ISCA1: variants seen among roughly 807,000 people sequenced by gnomAD.
ISCA1 encodes the protein iron-sulfur cluster assembly 1, also known as iron-sulfur cluster assembly 1 homolog, mitochondrial.
Under a neutral mutation model 14.7 loss-of-function variants are expected in ISCA1, and 9 were observed. The ratio of observed to expected loss-of-function variants is 0.61; its 90% CI spans 0.37 to 1.07. The LOEUF is 1.07. Among genes scored for constraint, ISCA1 ranks in the 50% least tolerant of loss-of-function variants. ISCA1 has a pLI of 0.01. For synonymous variants in ISCA1, 38 were observed against 54.3 expected (o/e 0.70, Z 1.32); for missense variants, 102 against 150.1 (o/e 0.68, Z 1.67).
At chr9:86,279,929 T>C (rs1825489066) in intron 1 of ISCA1, among the ~76,000 whole-genome samples, 1 of 152,248 alleles carries the variant, frequency 6.6e-6, no homozygotes, top group African/African-American at 2.4e-5. Flanking sequence ...ACAGCATTGA[T>C]GTGCCTTCTC....
intron 2 of ISCA1, among the ~76,000 whole-genome samples, chr9:86,273,185 T>C (rs1825394291): frequency 6.6e-6 from 1 of 152,244 alleles, no homozygotes; most frequent in South Asian, 2.1e-4. Context: ...TGTAATGTAG[T>C]AGGTTAACAA....
intron 3 of ISCA1, among the ~76,000 whole-genome samples, chr9:86,266,401 G>A (rs1359282774): frequency 6.6e-6 from 1 of 152,084 alleles, no homozygotes; most frequent in Non-Finnish European, 1.5e-5. Context: ...AATCACATTA[G>A]GGGAGAATTT....
intron 1 of ISCA1, among the ~76,000 whole-genome samples, chr9:86,280,747 C>G (rs751326787): frequency 6.6e-6 from 1 of 151,616 alleles, no homozygotes; most frequent in Admixed American, 6.6e-5. Context: ...CCCAGGAGTT[C>G]GAGACCAGCC....
chr9:86,282,129 G>C lies in ISCA1; in HGVS notation c.81+249C>G, dbSNP rs1262129585. 7.6e-6 allele frequency: 4 copies of C among 529,378 alleles called. No individual in the cohort carries two copies. The South Asian group carries it at 1.0e-4, about 14-fold the overall frequency. 32.8% of individuals were successfully genotyped at this position (529,378 alleles called of 1,614,324 possible). A position where few individuals can be genotyped will look rare whatever the true frequency, so the allele number is the denominator to read the frequency against. ...CGGGATCCCCTCCGGCCCGCACGCG[G>C]TTGCCGCGCGGCCTGACGGGAAACG... On this transcript the variant is annotated intron_variant, in intron 1 of 3. Transcript: ENST00000375991.
chr9:86,267,676 T>C, intron 3 of ISCA1: 1 of 759,858 alleles, frequency 1.3e-6, no homozygotes, highest in African/African-American at 1.9e-5. Flanking sequence ...CCACTAAAAA[T>C]ACAAAAATGA....
Position 86,278,386 on chromosome 9 carries a change from C to A in ISCA1, c.81+3992G>T, listed in dbSNP as rs1253457502. On this transcript the variant is annotated intron_variant, in intron 1 of 3. Coordinates refer to ENST00000375991, the MANE Select transcript of ISCA1 (RefSeq NM_030940.4). ...AATATACAAATATATATTTGTAGGC[C>A]AGGTGTGGTGGCTCATGCCTGTAAT... 2.6e-5 allele frequency among the ~76,000 whole-genome samples: 4 copies of A among 151,836 alleles called. No individual in the cohort carries two copies. The East Asian group carries it at 7.7e-4, about 29-fold the overall frequency.
chr9:86,267,173 C>A, intron 3 of ISCA1: 1 of 257,604 alleles, frequency 3.9e-6, no homozygotes, highest in Non-Finnish European at 6.1e-6. Flanking sequence ...TACAGTGAAC[C>A]ATGATTGTGC....
intron 3 of ISCA1, among the ~76,000 whole-genome samples, chr9:86,270,097 C>G (rs1223010930): frequency 6.7e-6 from 1 of 150,278 alleles, no homozygotes; most frequent in Non-Finnish European, 1.5e-5. Flanking sequence ...CAAATGGGAT[C>G]TAATTAAACT....
At position 86,278,602 on chromosome 9, in the gene ISCA1, T is replaced by G. The variant is rs1825470476; in HGVS notation, c.81+3776A>C. Reference sequence around the variant, plus strand: ...AAAGGATTGCTTGAGCCCAGGAGTTTGAAGCTGCAGTAAGCCATGATCATG... The same window carrying G: ...AAAGGATTGCTTGAGCCCAGGAGTTGGAAGCTGCAGTAAGCCATGATCATG... On this transcript the variant is annotated intron_variant, in intron 1 of 3. Coordinates refer to ENST00000375991, the MANE Select transcript of ISCA1 (RefSeq NM_030940.4). Among the ~76,000 whole-genome samples the G allele has an allele frequency of 2.0e-5, 3 of 152,124 alleles. No individual in the cohort carries two copies. The South Asian group carries it at 6.2e-4, about 31-fold the overall frequency.
intron 2 of ISCA1, 102 bp from the exon 3 acceptor site, chr9:86,272,214 C>T (rs1825379085): frequency 1.3e-6 from 1 of 755,426 alleles, no homozygotes; most frequent in Non-Finnish European, 2.3e-6. Context: ...AATGGACTTT[C>T]TCTTATTTTT....
rs35902983 is a variant in ISCA1 at position 86,268,443 on chromosome 9, C to CAA, written c.242-2254_242-2253dup. Among the ~76,000 whole-genome samples, 534 of 82,136 alleles carry CAA rather than the reference C, an allele frequency of 6.5e-3. 2 individuals are homozygous for CAA. The highest frequency in any genetic ancestry group is 0.017 in the African/African-American group (344 of 20,454). The allele number at this position is 82,136 out of a possible 152,430, so 53.9% of individuals were successfully genotyped here. On this transcript the variant is annotated intron_variant, in intron 3 of 3. Coordinates refer to ENST00000375991, the MANE Select transcript of ISCA1 (RefSeq NM_030940.4). ...AAAGCTAATGTTATCACAAAAGAGT[C>CAA]AAAAAAAAAAAAAAAAACCCCAAAG...
chr9:86,268,953 C>T (rs1409812775), intron 3 of ISCA1, among the ~76,000 whole-genome samples: 1 of 151,538 alleles, frequency 6.6e-6, no homozygotes, highest in East Asian at 1.9e-4. Flanking sequence ...TGCCACCACA[C>T]CCAGTTAATT....
rs1226752705 is a variant in ISCA1, at chr9:86,265,741, C to T, written c.*302G>A. 7 of 426,306 alleles carry T rather than the reference C, an allele frequency of 1.6e-5. No individual in the cohort carries two copies. The highest frequency in any genetic ancestry group is 6.9e-4 in the Middle Eastern group (1 of 1,456). 26.4% of individuals were successfully genotyped at this position (426,306 alleles called of 1,614,324 possible). A position where few individuals can be genotyped will look rare whatever the true frequency, so the allele number is the denominator to read the frequency against. Reference sequence around the variant, plus strand: ...GGATGATCAAGCCATCAATAGCGATCTAAGGAGTGCACACAGTTCAGGAAA... The same window carrying T: ...GGATGATCAAGCCATCAATAGCGATTTAAGGAGTGCACACAGTTCAGGAAA... On this transcript the variant is annotated 3_prime_UTR_variant, in exon 4 of 4. Coordinates refer to ENST00000375991, the MANE Select transcript of ISCA1 (RefSeq NM_030940.4).
At chr9:86,275,457 GCT>G (rs951766520) in intron 1 of ISCA1, among the ~76,000 whole-genome samples, 2 of 152,156 alleles carry the variant, frequency 1.3e-5, no homozygotes, top group African/African-American at 4.8e-5. Flanking sequence ...CCTAGAGTGT[GCT>G]CTCCTGCCCT....
At chr9:86,276,124 T>C (rs1168069060) in intron 1 of ISCA1, among the ~76,000 whole-genome samples, 2 of 152,016 alleles carry the variant, frequency 1.3e-5, no homozygotes, top group Non-Finnish European at 2.9e-5. Context: ...AGCCCTGAGC[T>C]TGTTTTTCTG....
chr9:86,282,253 G>A (rs1299720367), intron 1 of ISCA1, 125 bp downstream of exon 1: 3 of 1,073,528 alleles, frequency 2.8e-6, no homozygotes, highest in Non-Finnish European at 2.6e-6. Context: ...GCGGCGGGTC[G>A]GAGCGACGCC....
intron 3 of ISCA1, among the ~76,000 whole-genome samples, chr9:86,270,836 C>T (rs936397221): frequency 6.7e-5 from 10 of 148,568 alleles, no homozygotes; most frequent in Admixed American, 2.7e-4. Context: ...AGTAAACTAT[C>T]GCAAGGACAA....
intron 3 of ISCA1, among the ~76,000 whole-genome samples, chr9:86,266,652 C>T (rs1825296088): frequency 6.6e-6 from 1 of 152,050 alleles, no homozygotes; most frequent in South Asian, 2.1e-4. Flanking sequence ...CAACAATAGT[C>T]TTTTCTGGTT....
In ISCA1 at chr9:86,272,090, C is replaced by T. The variant is rs368218180; in HGVS notation, c.158G>A (p.Arg53Gln). ...PEHVGVKVGV[R>Q]TRGCNGLSYT... Reference sequence around the variant, plus strand: ...AGAAAGGCCATTACAGCCCCTGGTTCGGACACCAACTTTTACACCTACCTG... The same window carrying T: ...AGAAAGGCCATTACAGCCCCTGGTTTGGACACCAACTTTTACACCTACCTG... Residue 53 changes from arginine to glutamine, a missense_variant, in exon 3 of 4, where the codon CGA becomes CAA. Physicochemically the swap from Arg to Gln is conservative, Grantham distance 43 (BLOSUM62 1). Coordinates refer to ENST00000375991, the MANE Select transcript of ISCA1 (RefSeq NM_030940.4). The T allele has an allele frequency of 3.1e-5, 49 of 1,600,888 alleles. No individual in the cohort carries two copies. The highest frequency in any genetic ancestry group is 6.7e-5 in the East Asian group (3 of 44,822).
Sources: allele counts gnomAD v4.1 joint callset (sites outside exome capture counted in the v4.1 genomes callset), GRCh38; gene constraint gnomAD v4.1.1; transcripts MANE v1.5; gene names NCBI Gene and HGNC (gene_info 2026-07-23, HGNC 2026-07-21).